NTM: variants seen among roughly 807,000 people sequenced by gnomAD.
NTM encodes IgLON family member 2.
A neutral mutation model predicts 42.1 loss-of-function variants in NTM; 13 were observed. That is an observed-to-expected ratio of 0.31 (90% CI 0.20 to 0.49). NTM has a LOEUF of 0.49. Ranked by LOEUF, NTM falls within the 20% of genes least tolerant of loss-of-function variation. The probability of loss-of-function intolerance (pLI) is 0.99; values close to 1 mark genes in which losing one functional copy is unlikely to be tolerated. For synonymous variants in NTM, 187 were observed against 179.2 expected (o/e 1.04, Z -0.35); for missense variants, 373 against 452.8 (o/e 0.82, Z 1.60).
At chr11:132,163,454 G>A (rs1176335197) in intron 3 of NTM, among the ~76,000 whole-genome samples, 1 of 152,172 alleles carries the variant, frequency 6.6e-6, no homozygotes, top group Non-Finnish European at 1.5e-5. Flanking sequence ...TTATGTGGCA[G>A]CCAAGAACTA....
chr11:132,157,044 G>A (rs2073339068), intron 3 of NTM, among the ~76,000 whole-genome samples: 1 of 152,228 alleles, frequency 6.6e-6, no homozygotes, highest in Non-Finnish European at 1.5e-5. Flanking sequence ...TCTTTTGAGA[G>A]CCTCTGGAGG....
At position 132,275,747 on chromosome 11, in the gene NTM, T is replaced by TATATATAC. The variant is rs1565363262; in HGVS notation, c.527-31942_527-31941insATATATAC. Among the ~76,000 whole-genome samples the TATATATAC allele has an allele frequency of 1.8e-3, 108 of 60,206 alleles. 1 individual carries two copies. The highest frequency in any genetic ancestry group is 5.2e-3 in the East Asian group (7 of 1,340). 39.5% of individuals were successfully genotyped at this position (60,206 alleles called of 152,430 possible). ...ATACGTATATATACGTATATATATA[T>TATATATAC]GTGTATATATATATATATGTTATAT... On this transcript the variant is annotated intron_variant, in intron 4 of 8. Transcript: ENST00000683400.
At position 131,937,062 on chromosome 11, in the gene NTM, A is replaced by G. The variant is rs80349736; in HGVS notation, c.167+25414A>G. ...CTACTATTTTAACTCTTTAGGTTTC[A>G]GCTATGAAAATGTGAAGAAAGGAAG... is the stretch of plus-strand genomic sequence containing the variant. On this transcript the variant is annotated intron_variant, in intron 2 of 8. Transcript: ENST00000683400. Among the ~76,000 whole-genome samples, 1,383 of 152,298 alleles carry G rather than the reference A, an allele frequency of 9.1e-3. 22 individuals are homozygous for G. The highest frequency in any genetic ancestry group is 0.031 in the African/African-American group (1,304 of 41,558).
chr11:131,446,531 C>T lies in NTM; in HGVS notation c.82+75643C>T, dbSNP rs563646539. Among the ~76,000 whole-genome samples, 31 of 152,316 alleles carry T rather than the reference C, an allele frequency of 2.0e-4. No homozygotes were observed. The South Asian group carries it at 6.4e-3, about 32-fold the overall frequency. ...AGAACATTAAAAAAAATGAATTCTT[C>T]ATATAAAAGGGTTTATTCCATCCAT... On this transcript the variant is annotated intron_variant, in intron 1 of 8. Transcript: ENST00000683400.
chr11:131,819,304 C>T (rs1251860067), intron 1 of NTM, among the ~76,000 whole-genome samples: 1 of 152,120 alleles, frequency 6.6e-6, no homozygotes, highest in Non-Finnish European at 1.5e-5. Flanking sequence ...CTGAGCTGCA[C>T]CCCCAGAAAT....
At chr11:131,996,565 C>T (rs987031186) in intron 2 of NTM, among the ~76,000 whole-genome samples, 2 of 152,184 alleles carry the variant, frequency 1.3e-5, no homozygotes, top group Non-Finnish European at 2.9e-5. Flanking sequence ...ATCCTTAGAG[C>T]AGCCATATGA....
At chr11:131,894,344 G>A (rs1054193913) in intron 1 of NTM, among the ~76,000 whole-genome samples, 14 of 152,190 alleles carry the variant, frequency 9.2e-5, no homozygotes, top group Admixed American at 2.6e-4. Context: ...GATTCACCCT[G>A]GATGTGCATA....
At chr11:131,656,830 G>C (rs1202269243) in intron 1 of NTM, among the ~76,000 whole-genome samples, 2 of 152,180 alleles carry the variant, frequency 1.3e-5, no homozygotes, top group African/African-American at 4.8e-5. Flanking sequence ...GTATGCAACT[G>C]TCACTATAAA....
intron 4 of NTM, among the ~76,000 whole-genome samples, chr11:132,259,847 C>A (rs2092735369): frequency 6.6e-6 from 1 of 151,948 alleles, no homozygotes; most frequent in Admixed American, 6.6e-5. Context: ...CCTCCCAGAT[C>A]AAGCAATTCT....
intron 4 of NTM, among the ~76,000 whole-genome samples, chr11:132,268,016 G>C (rs1487946016): frequency 1.3e-5 from 2 of 152,032 alleles, no homozygotes; most frequent in Non-Finnish European, 2.9e-5. Flanking sequence ...GTTCCTGTTA[G>C]GGACAGGCTC....
chr11:131,639,340 C>T (rs1388413741), intron 1 of NTM, among the ~76,000 whole-genome samples: 2 of 152,176 alleles, frequency 1.3e-5, no homozygotes, highest in Admixed American at 6.5e-5. Context: ...GTGCCTTCCT[C>T]TCTTTGCTGA....
intron 1 of NTM, chr11:131,877,852 G>A (rs2048764446): frequency 6.6e-6 from 1 of 152,218 alleles, no homozygotes; most frequent in South Asian, 2.1e-4. Flanking sequence ...TTGCTGTGAG[G>A]GTGCTCAGCT....
chr11:132,095,461 A>G (rs997995557), intron 2 of NTM, among the ~76,000 whole-genome samples: 4 of 152,160 alleles, frequency 2.6e-5, no homozygotes, highest in Non-Finnish European at 5.9e-5. Flanking sequence ...CAAGGCTGTA[A>G]GTGGTGTCTT....
At chr11:131,867,501 G>A (rs986840699) in intron 1 of NTM, among the ~76,000 whole-genome samples, 2 of 151,816 alleles carry the variant, frequency 1.3e-5, no homozygotes, top group African/African-American at 4.8e-5. Flanking sequence ...GTTTATCTGT[G>A]AGCGTGTGTA....
rs1184420176 is a variant in NTM at position 132,054,226 on chromosome 11, CAAAAT to C, written c.168-92052_168-92048del. 4.6e-5 allele frequency among the ~76,000 whole-genome samples: 7 copies of C among 152,128 alleles called. No homozygotes were observed. The East Asian group carries it at 5.8e-4, about 13-fold the overall frequency. The stretch of plus-strand genomic sequence containing the variant: ...TGAGACTGTCTCAAAGAAAAACAAA[CAAAAT>C]AAATCAAAATATTGTTTCCACAGTG... On this transcript the variant is annotated intron_variant, in intron 2 of 8. Transcript: ENST00000683400.
intron 1 of NTM, among the ~76,000 whole-genome samples, chr11:131,880,109 T>C (rs1464930292): frequency 6.6e-6 from 1 of 152,222 alleles, no homozygotes. Flanking sequence ...CAAACACACA[T>C]GTGCACACAG....
intron 1 of NTM, among the ~76,000 whole-genome samples, chr11:131,505,867 G>A (rs74496071): frequency 0.028 from 4,216 of 152,130 alleles, 204 homozygotes; most frequent in African/African-American, 0.096. Context: ...GTGTGATCCC[G>A]CGCAAGTTAC....
At chr11:131,505,570 A>C (rs992188332) in intron 1 of NTM, among the ~76,000 whole-genome samples, 8 of 152,164 alleles carry the variant, frequency 5.3e-5, no homozygotes, top group African/African-American at 1.9e-4. Flanking sequence ...TGGGTGCATA[A>C]TTTGTCCTGG....
chr11:131,740,142 G>C (rs1416523398), intron 1 of NTM, among the ~76,000 whole-genome samples: 1 of 152,192 alleles, frequency 6.6e-6, no homozygotes, highest in Non-Finnish European at 1.5e-5. Context: ...TGATGAATGA[G>C]ATCACAGTGG....
Sources: gnomAD v4.1 joint callset for allele counts (sites outside exome capture counted in the v4.1 genomes callset) on GRCh38, gnomAD v4.1.1 for gene constraint, MANE v1.5 for transcripts, NCBI Gene and HGNC (gene_info 2026-07-23, HGNC 2026-07-21) for gene names.